Variants in NPAS3 observed in about 807,000 individuals in gnomAD.
NPAS3 encodes the protein neuronal PAS domain protein 3.
Under a neutral mutation model 73.1 loss-of-function variants are expected in NPAS3, and 14 were observed. That is an observed-to-expected ratio of 0.19 (90% CI 0.13 to 0.30). The LOEUF is 0.30. Among genes scored for constraint, NPAS3 ranks in the 10% least tolerant of loss-of-function variants. NPAS3 has a pLI of 1.00. For synonymous variants in NPAS3, 620 were observed against 541.5 expected (o/e 1.14, Z -2.01); for missense variants, 1,096 against 1,250.0 (o/e 0.88, Z 1.86).
intron 5 of NPAS3, among the ~76,000 whole-genome samples, chr14:33,644,666 G>A (rs2058771147): frequency 6.6e-6 from 1 of 152,180 alleles, no homozygotes; most frequent in African/African-American, 2.4e-5. Context: ...ACAGATACAA[G>A]CGGAACCCGG....
chr14:33,244,302 T>TA (rs1203427099), intron 3 of NPAS3, among the ~76,000 whole-genome samples: 2 of 152,180 alleles, frequency 1.3e-5, no homozygotes, highest in Admixed American at 6.5e-5. Context: ...TTTTAGAAAT[T>TA]AAAAAATTAT....
chr14:33,457,273 T>C (rs527979947), intron 4 of NPAS3, among the ~76,000 whole-genome samples: 78 of 152,356 alleles, frequency 5.1e-4, no homozygotes, highest in African/African-American at 1.7e-3. Flanking sequence ...AGCAATTTTC[T>C]TTTACCCTCC....
At chr14:33,428,638 A>T (rs2048653671) in intron 4 of NPAS3, among the ~76,000 whole-genome samples, 1 of 152,168 alleles carries the variant, frequency 6.6e-6, no homozygotes, top group Non-Finnish European at 1.5e-5. Flanking sequence ...CTTTAAGTGG[A>T]TGTTTACAGG....
intron 2 of NPAS3, among the ~76,000 whole-genome samples, chr14:33,112,971 A>G (rs2042945654): frequency 6.6e-6 from 1 of 152,132 alleles, no homozygotes; most frequent in Non-Finnish European, 1.5e-5. Context: ...AAGATCAGAT[A>G]GTTGTAGATA....
At chr14:33,307,272 C>T (rs143625219) in intron 3 of NPAS3, among the ~76,000 whole-genome samples, 30 of 152,258 alleles carry the variant, frequency 2.0e-4, no homozygotes, top group African/African-American at 4.8e-4. Context: ...TAAAAATTAA[C>T]ATTTGTCCTC....
intron 4 of NPAS3, among the ~76,000 whole-genome samples, chr14:33,533,443 C>A (rs1445300549): frequency 2.6e-5 from 4 of 152,110 alleles, no homozygotes; most frequent in Non-Finnish European, 5.9e-5. Context: ...CACAGATTGG[C>A]CAAGTTCGAA....
chr14:33,431,541 CAT>C (rs2048783743), intron 4 of NPAS3, among the ~76,000 whole-genome samples: 1 of 152,142 alleles, frequency 6.6e-6, no homozygotes, highest in South Asian at 2.1e-4. Flanking sequence ...GGCTGCATGA[CAT>C]AGAACAAAAT....
At chr14:33,516,448 G>A (rs1160772546) in intron 4 of NPAS3, among the ~76,000 whole-genome samples, 1 of 152,094 alleles carries the variant, frequency 6.6e-6, no homozygotes, top group Non-Finnish European at 1.5e-5. Context: ...TACATACTGT[G>A]GAATAGATCG....
chr14:33,338,702 GA>G (rs1287569095), intron 3 of NPAS3, among the ~76,000 whole-genome samples: 3 of 152,066 alleles, frequency 2.0e-5, no homozygotes, highest in African/African-American at 7.2e-5. Flanking sequence ...TTATGGTTAT[GA>G]GAACATACTA....
Position 33,503,345 on chromosome 14 carries a change from C to T in NPAS3, c.469-56776C>T, listed in dbSNP as rs535168928. Among the ~76,000 whole-genome samples the T allele has an allele frequency of 2.1e-4, 32 of 151,978 alleles. 1 individual carries two copies. Among genetic ancestry groups the T allele is most frequent in the Middle Eastern group, 6.8e-3 (2 of 294 alleles). Reference sequence around the variant, plus strand: ...CACTTACTAACTCAGAGGCAAAATACTTATAATGACTATAATAATGTTCAT... The same window carrying T: ...CACTTACTAACTCAGAGGCAAAATATTTATAATGACTATAATAATGTTCAT... On this transcript the variant is annotated intron_variant, in intron 4 of 11. Transcript: ENST00000356141.
rs566226818 is a variant in NPAS3, at chr14:33,777,334, C to A, written c.1047-1132C>A. On this transcript the variant is annotated intron_variant, in intron 8 of 11. Coordinates refer to ENST00000356141, the Ensembl canonical transcript of NPAS3. ...TATTTCCCCAGTTAATCTTATCTTA[C>A]CTAAAATCCTAGTTTGGCCAAAAAT... Among the ~76,000 whole-genome samples the A allele has an allele frequency of 2.0e-5, 3 of 152,294 alleles. No individual in the cohort carries two copies. In the East Asian group the frequency reaches 5.8e-4, roughly 29 times the overall value.
intron 4 of NPAS3, among the ~76,000 whole-genome samples, chr14:33,416,758 G>GA (rs977020279): frequency 6.6e-6 from 1 of 151,830 alleles, no homozygotes; most frequent in Non-Finnish European, 1.5e-5. Context: ...GAGAAAAGAT[G>GA]AAAAAAATGA....
intron 4 of NPAS3, among the ~76,000 whole-genome samples, chr14:33,453,691 T>C (rs2049901707): frequency 6.6e-6 from 1 of 152,240 alleles, no homozygotes; most frequent in Non-Finnish European, 1.5e-5. Context: ...TTTAAGATAA[T>C]TCAGTCCCAG....
At position 33,049,920 on chromosome 14, in the gene NPAS3, A is replaced by G. The variant is rs77668863; in HGVS notation, c.51-5985A>G. Among the ~76,000 whole-genome samples the G allele has an allele frequency of 8.2e-4, 125 of 152,340 alleles. No homozygotes were observed. The East Asian group carries it at 0.021, about 25-fold the overall frequency. ...TGGAGGATAATTGCACTAGGTTCAA[A>G]TACTTTCCAAGTTGCCCTCTTAGTT... On this transcript the variant is annotated intron_variant, in intron 1 of 11. Transcript: ENST00000356141.
At chr14:33,308,553 C>CACACACACACACAT (rs1195213186) in intron 3 of NPAS3, among the ~76,000 whole-genome samples, 19 of 113,810 alleles carry the variant, frequency 1.7e-4, no homozygotes, top group African/African-American at 5.1e-4. Context: ...CACACACACA[C>CACACACACACACAT]ACATACATAC....
intron 2 of NPAS3, among the ~76,000 whole-genome samples, chr14:33,139,853 A>G (rs964076688): frequency 2.0e-4 from 31 of 152,144 alleles, no homozygotes; most frequent in African/African-American, 6.0e-4. Context: ...ACTGGACAGA[A>G]CTGATTGAAT....
intron 4 of NPAS3, among the ~76,000 whole-genome samples, chr14:33,518,597 T>TTTTC (rs2053414707): frequency 6.6e-6 from 1 of 151,388 alleles, no homozygotes; most frequent in Non-Finnish European, 1.5e-5. Flanking sequence ...CAAGGATTTT[T>TTTTC]TTTTTTTTTT....
At chr14:33,767,723 A>G (rs574289012) in intron 7 of NPAS3, among the ~76,000 whole-genome samples, 1 of 152,206 alleles carries the variant, frequency 6.6e-6, no homozygotes, top group East Asian at 1.9e-4. Context: ...TTTGTTAAAG[A>G]GAACATTTTA....
At chr14:33,516,329 G>A (rs1028347470) in intron 4 of NPAS3, among the ~76,000 whole-genome samples, 1 of 152,086 alleles carries the variant, frequency 6.6e-6, no homozygotes, top group African/African-American at 2.4e-5. Flanking sequence ...TTCAAGGGAG[G>A]CTTTTAGATT....
Sources: allele counts gnomAD v4.1 joint callset (sites outside exome capture counted in the v4.1 genomes callset), GRCh38; gene constraint gnomAD v4.1.1; transcripts MANE v1.5; gene names NCBI Gene and HGNC (gene_info 2026-07-23, HGNC 2026-07-21).